Variants in SLC35F1 observed in about 807,000 individuals in gnomAD.
SLC35F1 encodes the protein chromosome 6 open reading frame 169.
SLC35F1 carries 14 observed loss-of-function variants against 48.7 expected under a neutral mutation model. That is an observed-to-expected ratio of 0.29 (90% CI 0.19 to 0.45). The LOEUF (loss-of-function observed/expected upper bound fraction) is 0.45. Among genes scored for constraint, SLC35F1 ranks in the 20% least tolerant of loss-of-function variants. The pLI, the probability that SLC35F1 is intolerant of heterozygous loss-of-function variation, is 1.00. For missense variants in SLC35F1, 404 were observed against 500.0 expected, an observed-to-expected ratio of 0.81 and a Z score of 1.83; for synonymous variants, 190 against 202.2, an observed-to-expected ratio of 0.94 and a Z score of 0.51.
intron 1 of SLC35F1, among the ~76,000 whole-genome samples, chr6:118,105,780 A>G (rs931027879): frequency 6.6e-6 from 1 of 152,214 alleles, no homozygotes; most frequent in Non-Finnish European, 1.5e-5. Flanking sequence ...AAGGAAAATG[A>G]TACATCAAAG....
chr6:118,034,331 G>A (rs1228126366), intron 1 of SLC35F1, among the ~76,000 whole-genome samples: 1 of 152,144 alleles, frequency 6.6e-6, no homozygotes, highest in Non-Finnish European at 1.5e-5. Flanking sequence ...GCTGAGGCAG[G>A]CAGATCACTT....
intron 1 of SLC35F1, among the ~76,000 whole-genome samples, chr6:118,045,201 G>A (rs1221535076): frequency 6.6e-6 from 1 of 152,022 alleles, no homozygotes; most frequent in Non-Finnish European, 1.5e-5. Flanking sequence ...TTGCAATCTG[G>A]GGTTGTGTCT....
chr6:118,018,445 A>G (rs1777351532), intron 1 of SLC35F1, among the ~76,000 whole-genome samples: 1 of 152,122 alleles, frequency 6.6e-6, no homozygotes, highest in African/African-American at 2.4e-5. Flanking sequence ...TAAATGATCA[A>G]TTCTTTTATG....
chr6:118,095,938 C>T (rs536639992), intron 1 of SLC35F1, among the ~76,000 whole-genome samples: 175 of 152,216 alleles, frequency 1.1e-3, no homozygotes, highest in Admixed American at 1.9e-3. Context: ...TCATTATTAC[C>T]AACTGAGTGC....
At chr6:118,009,069 G>A (rs1274259765) in intron 1 of SLC35F1, among the ~76,000 whole-genome samples, 1 of 152,038 alleles carries the variant, frequency 6.6e-6, no homozygotes, top group Non-Finnish European at 1.5e-5. Context: ...CTGTATCTAT[G>A]TCCAGTTAAC....
chr6:118,217,352 A>T (rs1775088847), intron 2 of SLC35F1, among the ~76,000 whole-genome samples: 1 of 152,224 alleles, frequency 6.6e-6, no homozygotes, highest in South Asian at 2.1e-4. Context: ...GAACCTTAAA[A>T]ACATAGTAAA....
At chr6:118,065,119 T>A (rs1772594252) in intron 1 of SLC35F1, among the ~76,000 whole-genome samples, 1 of 152,150 alleles carries the variant, frequency 6.6e-6, no homozygotes, top group African/African-American at 2.4e-5. Flanking sequence ...AGGAGTAAAA[T>A]TCTGTGCCTC....
At chr6:117,984,654 T>C in intron 1 of SLC35F1, among the ~76,000 whole-genome samples, 1 of 152,164 alleles carries the variant, frequency 6.6e-6, no homozygotes. Context: ...CAGAGTTGGG[T>C]AGTTGCTGAA....
In SLC35F1 at chr6:117,970,145, A is replaced by G. The variant is rs535069801; in HGVS notation, c.173+62246A>G. Among the ~76,000 whole-genome samples, 10 of 152,346 alleles carry G rather than the reference A, an allele frequency of 6.6e-5. No homozygotes were observed. The East Asian group carries it at 1.9e-3, about 29-fold the overall frequency. ...TAATCAGTGGATTGAATGGGGTACT[A>G]TAACTGGATGATGTATTCATCATGC... is the stretch of plus-strand genomic sequence containing the variant. On this transcript the variant is annotated intron_variant, in intron 1 of 7. Coordinates refer to ENST00000360388, the MANE Select transcript of SLC35F1 (RefSeq NM_001029858.4).
chr6:118,054,750 G>A (rs1176285164), intron 1 of SLC35F1, among the ~76,000 whole-genome samples: 1 of 151,614 alleles, frequency 6.6e-6, no homozygotes, highest in African/African-American at 2.4e-5. Flanking sequence ...CCTGCTGCTG[G>A]GTTGATTGTG....
chr6:118,197,869 A>G (rs1174573757), intron 2 of SLC35F1, among the ~76,000 whole-genome samples: 1 of 152,184 alleles, frequency 6.6e-6, no homozygotes, highest in East Asian at 1.9e-4. Flanking sequence ...TGGATTTGTA[A>G]AGGCATCACT....
At chr6:118,034,541 G>A (rs1475817481) in intron 1 of SLC35F1, among the ~76,000 whole-genome samples, 2 of 152,104 alleles carry the variant, frequency 1.3e-5, no homozygotes, top group Non-Finnish European at 2.9e-5. Context: ...CTGGGTGACA[G>A]AGTGAGACTC....
intron 1 of SLC35F1, among the ~76,000 whole-genome samples, chr6:118,133,037 A>G (rs1340041301): frequency 6.6e-6 from 1 of 152,162 alleles, no homozygotes; most frequent in East Asian, 1.9e-4. Context: ...TCCCCTGGAT[A>G]TCGCATCTTG....
At chr6:118,183,484 G>T (rs1774611845) in intron 2 of SLC35F1, among the ~76,000 whole-genome samples, 1 of 151,282 alleles carries the variant, frequency 6.6e-6, no homozygotes, top group South Asian at 2.1e-4. Flanking sequence ...AAAACTTAAA[G>T]TATAATAATA....
intron 2 of SLC35F1, among the ~76,000 whole-genome samples, chr6:118,156,051 A>G (rs1399527523): frequency 6.6e-6 from 1 of 152,154 alleles, no homozygotes; most frequent in Non-Finnish European, 1.5e-5. Context: ...AGCTAATTTT[A>G]TTTACTTCTC....
At chr6:117,931,087 G>A (rs1043391427) in intron 1 of SLC35F1, among the ~76,000 whole-genome samples, 3 of 152,112 alleles carry the variant, frequency 2.0e-5, no homozygotes, top group Admixed American at 2.0e-4. Context: ...TTAGTTTTCA[G>A]TAGACATTAC....
In SLC35F1 at chr6:118,285,178, C is replaced by T. The variant is rs778997483; in HGVS notation, c.848-6C>T. On this transcript the variant is annotated splice_region_variant and splice_polypyrimidine_tract_variant and intron_variant, in intron 6 of 7. Transcript: ENST00000360388. ...TGACGCTGCCTTCTCTTTACTCTTC[C>T]CCCAGGACTGCTCTACGTTGGCTTT... 1.9e-6 allele frequency: 3 copies of T among 1,613,246 alleles called. No individual in the cohort carries two copies. Among genetic ancestry groups the T allele is most frequent in the East Asian group, 4.5e-5 (2 of 44,846 alleles).
intron 1 of SLC35F1, among the ~76,000 whole-genome samples, chr6:117,963,664 A>G (rs1228718877): frequency 6.6e-6 from 1 of 152,074 alleles, no homozygotes; most frequent in South Asian, 2.1e-4. Context: ...TGAATACTTT[A>G]TGTATTTTTA....
chr6:118,219,604 A>G (rs1775119386), intron 2 of SLC35F1, among the ~76,000 whole-genome samples: 1 of 152,166 alleles, frequency 6.6e-6, no homozygotes, highest in South Asian at 2.1e-4. Flanking sequence ...CAGTGTGGCA[A>G]TTCCTCAAGG....
Sources: gnomAD v4.1 joint callset for allele counts (sites outside exome capture counted in the v4.1 genomes callset) on GRCh38, gnomAD v4.1.1 for gene constraint, MANE v1.5 for transcripts, NCBI Gene and HGNC (gene_info 2026-07-23, HGNC 2026-07-21) for gene names.